MTMR6: variants seen among roughly 807,000 people sequenced by gnomAD.
The protein encoded by MTMR6 is myotubularin related protein 6.
Under a neutral mutation model 80.1 loss-of-function variants are expected in MTMR6, and 47 were observed. The ratio of observed to expected loss-of-function variants is 0.59; its 90% CI spans 0.46 to 0.75. The LOEUF (loss-of-function observed/expected upper bound fraction) is 0.75. Among genes scored for constraint, MTMR6 ranks in the 30% least tolerant of loss-of-function variants. The pLI, the probability that MTMR6 is intolerant of heterozygous loss-of-function variation, is 0.00. For missense variants in MTMR6, 629 were observed against 730.9 expected, an observed-to-expected ratio of 0.86 and a Z score of 1.61; for synonymous variants, 254 against 253.0, an observed-to-expected ratio of 1.00 and a Z score of -0.04.
intron 10 of MTMR6, 115 bp downstream of exon 10, chr13:25,254,270 A>G: frequency 1.3e-6 from 1 of 789,610 alleles, no homozygotes; most frequent in Non-Finnish European, 2.1e-6. Context: ...AGTAAAAACC[A>G]TGACACTCTT....
intron 5 of MTMR6, 134 bp downstream of exon 5, chr13:25,265,683 GAT>G: frequency 1.0e-6 from 1 of 958,410 alleles, no homozygotes; most frequent in Non-Finnish European, 1.5e-6. Context: ...AGTGAGCCAA[GAT>G]GGTGCCACTG....
intron 5 of MTMR6, among the ~76,000 whole-genome samples, chr13:25,264,511 T>C (rs1957409647): frequency 6.6e-6 from 1 of 151,774 alleles, no homozygotes; most frequent in African/African-American, 2.4e-5. Flanking sequence ...TCTTAGCACT[T>C]TGGGAGGCCG....
intron 1 of MTMR6, among the ~76,000 whole-genome samples, chr13:25,279,991 A>G (rs1299155964): frequency 6.6e-6 from 1 of 152,226 alleles, no homozygotes; most frequent in Non-Finnish European, 1.5e-5. Flanking sequence ...AAGGGCAACC[A>G]GGTAAGAAGC....
At chr13:25,259,887 A>AT (rs555315747) in intron 6 of MTMR6, among the ~76,000 whole-genome samples, 13 of 149,954 alleles carry the variant, frequency 8.7e-5, no homozygotes, top group Admixed American at 4.7e-4. Context: ...ATAATTATTA[A>AT]TTTTTTTTTT....
chr13:25,250,643 G>T (rs1957064384), intron 13 of MTMR6, among the ~76,000 whole-genome samples: 1 of 152,188 alleles, frequency 6.6e-6, no homozygotes. Flanking sequence ...TGAATGGATA[G>T]ACTGTGATAT....
At chr13:25,260,190 C>CG (rs1957302503) in intron 6 of MTMR6, among the ~76,000 whole-genome samples, 1 of 141,688 alleles carries the variant, frequency 7.1e-6, no homozygotes. Context: ...TTTTTTGAGA[C>CG]GGAGTTTCGC....
At chr13:25,265,006 C>CA (rs1005105322) in intron 5 of MTMR6, among the ~76,000 whole-genome samples, 1 of 152,122 alleles carries the variant, frequency 6.6e-6, no homozygotes, top group Non-Finnish European at 1.5e-5. Flanking sequence ...AACCATTTAA[C>CA]ATACAGTACC....
At chr13:25,278,399 C>T (rs1370876069) in intron 1 of MTMR6, among the ~76,000 whole-genome samples, 1 of 152,128 alleles carries the variant, frequency 6.6e-6, no homozygotes, top group Non-Finnish European at 1.5e-5. Context: ...TTGAGACCAG[C>T]CTGGCCAACA....
intron 1 of MTMR6, among the ~76,000 whole-genome samples, chr13:25,281,336 G>A (rs190109493): frequency 3.3e-5 from 5 of 151,524 alleles, no homozygotes; most frequent in Admixed American, 2.0e-4. Flanking sequence ...GATCTTGTTG[G>A]AAAGGAAAGG....
chr13:25,281,755 T>G (rs1245780046), intron 1 of MTMR6, among the ~76,000 whole-genome samples: 1 of 152,124 alleles, frequency 6.6e-6, no homozygotes, highest in East Asian at 1.9e-4. Context: ...AGAATTAGCT[T>G]TCAAAAAGAA....
At chr13:25,270,346 G>A (rs77186873) in intron 2 of MTMR6, among the ~76,000 whole-genome samples, 1 of 152,134 alleles carries the variant, frequency 6.6e-6, no homozygotes, top group Non-Finnish European at 1.5e-5. Flanking sequence ...CATTTCTATG[G>A]CTCTAGTATA....
At chr13:25,258,246 C>A (rs1957258034) in intron 7 of MTMR6, among the ~76,000 whole-genome samples, 1 of 152,116 alleles carries the variant, frequency 6.6e-6, no homozygotes, top group South Asian at 2.1e-4. Flanking sequence ...TCTAATACAG[C>A]AGCCACTAAC....
At chr13:25,261,073 T>C (rs1957325395) in intron 6 of MTMR6, among the ~76,000 whole-genome samples, 1 of 151,930 alleles carries the variant, frequency 6.6e-6, no homozygotes, top group Non-Finnish European at 1.5e-5. Context: ...GGAGGCCAAC[T>C]GAGGTGGGCG....
chr13:25,287,406 C>A lies in MTMR6; in HGVS notation c.-159G>T. The stretch of plus-strand genomic sequence containing the variant: ...GGTGGCGTCAACGGCGCAGGTGCAG[C>A]CGGTGAGCGCCGTCTCCTAGAAACA... On this transcript the variant is annotated 5_prime_UTR_variant, in exon 1 of 14. Transcript: ENST00000381801. 1.1e-6 allele frequency: 1 copy of A among 886,726 alleles called. No individual in the cohort carries two copies. Among genetic ancestry groups the A allele is most frequent in the Admixed American group, 2.2e-5 (1 of 46,010 alleles). 54.9% of individuals were successfully genotyped at this position (886,726 alleles called of 1,614,324 possible). A position where few individuals can be genotyped will look rare whatever the true frequency, so the allele number is the denominator to read the frequency against.
chr13:25,249,081 C>G lies in MTMR6; in HGVS notation c.*151G>C. On this transcript the variant is annotated 3_prime_UTR_variant, in exon 14 of 14. Transcript: ENST00000381801. ...CAATTAAAATGACTTATTTCTCTCA[C>G]AAGGGTAGTTATTATCCTTCCTTCA... The G allele has an allele frequency of 1.4e-6, 1 of 720,660 alleles. No individual in the cohort carries two copies. The highest frequency in any genetic ancestry group is 2.2e-6 in the Non-Finnish European group (1 of 452,986). 44.6% of individuals were successfully genotyped at this position (720,660 alleles called of 1,614,324 possible).
intron 11 of MTMR6, among the ~76,000 whole-genome samples, chr13:25,253,386 C>A (rs1957129150): frequency 6.6e-6 from 1 of 152,174 alleles, no homozygotes; most frequent in African/African-American, 2.4e-5. Flanking sequence ...ATAAGGATTT[C>A]TCTGTTCTAA....
At position 25,253,843 on chromosome 13, in the gene MTMR6, G is replaced by A. The variant is rs778111295; in HGVS notation, c.1267C>T (p.Leu423Phe). The A allele has an allele frequency of 6.2e-7, 1 of 1,614,100 alleles. No individual in the cohort carries two copies. The highest frequency in any genetic ancestry group is 1.1e-5 in the South Asian group (1 of 91,084). ...QAFEFSEAFL[L>F]QIHEHIHSCQ... ...GAATGAATATGCTCATGGATCTGAA[G>A]AAGAAATGCTTCACTGAATTCAAAG... Residue 423 changes from leucine (L) to phenylalanine (F), a missense_variant, in exon 11 of 14, where the codon CTT becomes TTT. Leu to Phe is a conservative substitution (Grantham distance 22, BLOSUM62 0). Transcript: ENST00000381801.
chr13:25,246,262 C>A lies in MTMR6; in HGVS notation c.*2970G>T, dbSNP rs934319702. The A allele has an allele frequency of 6.6e-6, 1 of 152,562 alleles. No homozygotes were observed. Among genetic ancestry groups the A allele is most frequent in the Non-Finnish European group, 1.5e-5 (1 of 68,014 alleles). 9.5% of individuals were successfully genotyped at this position (152,562 alleles called of 1,614,324 possible). A position where few individuals can be genotyped will look rare whatever the true frequency, so the allele number is the denominator to read the frequency against. On this transcript the variant is annotated 3_prime_UTR_variant, in exon 14 of 14. Transcript: ENST00000381801. ...ACTGTTTATTAAAATGTCAAGGTTT[C>A]ATGTTTACATTTTCTTATATCAAGT...
chr13:25,262,093 T>C (rs1957353341), intron 5 of MTMR6, among the ~76,000 whole-genome samples: 1 of 152,214 alleles, frequency 6.6e-6, no homozygotes, highest in Admixed American at 6.5e-5. Context: ...CCTACTGTTA[T>C]CTTCATTCTG....
Sources: gnomAD v4.1 joint callset for allele counts (sites outside exome capture counted in the v4.1 genomes callset) on GRCh38, gnomAD v4.1.1 for gene constraint, MANE v1.5 for transcripts, NCBI Gene and HGNC (gene_info 2026-07-23, HGNC 2026-07-21) for gene names.